The following USP20 variants were observed in gnomAD, a reference collection of about 807,000 sequenced individuals.
USP20 encodes the protein ubiquitin specific peptidase 20.
A neutral mutation model predicts 124.2 loss-of-function variants in USP20; 80 were observed. That is an observed-to-expected ratio of 0.64 (90% CI 0.54 to 0.78). The LOEUF is 0.78. Among genes scored for constraint, USP20 ranks in the 30% least tolerant of loss-of-function variants. The pLI, the probability that USP20 is intolerant of heterozygous loss-of-function variation, is 0.00. For missense variants in USP20, 1,043 were observed against 1,244.4 expected (o/e 0.84, Z 2.44); for synonymous variants, 481 against 512.3 (o/e 0.94, Z 0.83).
rs776703803 is a variant in USP20 at position 129,874,864 on chromosome 9, A to G, written c.1957A>G (p.Asn653Asp). Residue 653 changes from asparagine to aspartate, a missense_variant, in exon 19 of 26, where the codon AAT (asparagine) becomes GAT (aspartate). Transcript: ENST00000372429. The stretch of plus-strand genomic sequence containing the variant: ...CATCGCCTACTGCCAGAACGTGATC[A>G]ATGGGCAGTGGTACGAGTTTGATGA... ...HYIAYCQNVI[N>D]GQWYEFDDQY... 1.2e-6 allele frequency: 2 copies of G among 1,614,126 alleles called. No homozygotes were observed. The highest frequency in any genetic ancestry group is 1.7e-6 in the Non-Finnish European group (2 of 1,180,032).
Position 129,863,192 on chromosome 9 carries a change from G to A in USP20, c.504G>A (p.Pro168=), listed in dbSNP as rs1055238935. 26 of 1,529,532 alleles carry A rather than the reference G, an allele frequency of 1.7e-5. No homozygotes were observed. In the Admixed American group the frequency reaches 2.2e-4, roughly 13 times the overall value. 94.7% of individuals were successfully genotyped at this position (1,529,532 alleles called of 1,614,324 possible). ...AALQALSNCP[P]LTQFFLECGG... Reference sequence around the variant, plus strand: ...CTCTCTCCCCTGCACCCAGCCCGCCGCTGACTCAGTTCTTCTTGGAGTGTG... The same window carrying A: ...CTCTCTCCCCTGCACCCAGCCCGCCACTGACTCAGTTCTTCTTGGAGTGTG... The change falls in exon 9 of 26, where the codon CCG becomes CCA. Residue 168 remains proline (P), a synonymous_variant. Coordinates refer to ENST00000372429, the MANE Select transcript of USP20 (RefSeq NM_001110303.4).
chr9:129,857,519 A>G (rs1326105721), intron 4 of USP20, among the ~76,000 whole-genome samples: 2 of 152,154 alleles, frequency 1.3e-5, no homozygotes, highest in Non-Finnish European at 2.9e-5. Flanking sequence ...TTGGGATAGG[A>G]GAGTGCGAGG....
At chr9:129,836,823 C>T (rs1260749728) in intron 1 of USP20, among the ~76,000 whole-genome samples, 4 of 152,148 alleles carry the variant, frequency 2.6e-5, no homozygotes, top group African/African-American at 4.8e-5. Flanking sequence ...TCACTGGATA[C>T]GGAGTCCCTG....
chr9:129,841,914 A>T (rs752991651), intron 1 of USP20, among the ~76,000 whole-genome samples: 24 of 152,132 alleles, frequency 1.6e-4, no homozygotes, highest in Non-Finnish European at 3.1e-4. Flanking sequence ...GAGTGGTCTC[A>T]TGGAGGGTGC....
chr9:129,864,958 T>A (rs1045699839), intron 9 of USP20, among the ~76,000 whole-genome samples: 29 of 152,206 alleles, frequency 1.9e-4, no homozygotes, highest in African/African-American at 6.8e-4. Flanking sequence ...TTCTGAAATT[T>A]TAGATTTGTC....
At chr9:129,851,717 T>G (rs985702784) in intron 2 of USP20, among the ~76,000 whole-genome samples, 5 of 152,180 alleles carry the variant, frequency 3.3e-5, no homozygotes, top group Non-Finnish European at 7.3e-5. Flanking sequence ...GTTTGCTACT[T>G]GTTATCAGTG....
intron 2 of USP20, among the ~76,000 whole-genome samples, chr9:129,851,258 C>CTTTTTT (rs35791819): frequency 0.031 from 3,886 of 125,914 alleles, 336 homozygotes; most frequent in African/African-American, 0.11. Flanking sequence ...ATAACACATA[C>CTTTTTT]TTTTTTTTTT....
At chr9:129,853,930 A>C (rs10819567) in intron 3 of USP20, among the ~76,000 whole-genome samples, 2 of 151,904 alleles carry the variant, frequency 1.3e-5, no homozygotes, top group Admixed American at 6.6e-5. Context: ...CAGAGATCAC[A>C]ACTTCAGCTC....
chr9:129,855,186 C>G (rs915052240), intron 3 of USP20, among the ~76,000 whole-genome samples: 6 of 152,170 alleles, frequency 3.9e-5, no homozygotes, highest in Non-Finnish European at 8.8e-5. Flanking sequence ...AATCCCAGCA[C>G]TTTGGGAGGC....
intron 1 of USP20, among the ~76,000 whole-genome samples, chr9:129,843,552 T>G (rs1237211754): frequency 1.3e-5 from 2 of 151,970 alleles, no homozygotes; most frequent in African/African-American, 4.8e-5. Context: ...CTGACCAATG[T>G]GGTGAAACCT....
chr9:129,870,166 C>T, intron 14 of USP20: 2 of 563,084 alleles, frequency 3.6e-6, no homozygotes, highest in Non-Finnish European at 3.2e-6. Context: ...AGGGCTGCCT[C>T]TCCTGCCTGA....
chr9:129,844,905 G>A (rs1355997048), intron 1 of USP20, among the ~76,000 whole-genome samples: 4 of 151,848 alleles, frequency 2.6e-5, no homozygotes, highest in Non-Finnish European at 5.9e-5. Flanking sequence ...TGAGAGGGCC[G>A]GTCATGGTGG....
intron 6 of USP20, 61 bp from the exon 7 acceptor site, chr9:129,860,876 C>G: frequency 1.9e-6 from 3 of 1,557,602 alleles, no homozygotes; most frequent in South Asian, 2.2e-5. Flanking sequence ...TGGGAGACAC[C>G]TGGGCCTCTG....
chr9:129,846,243 A>ATTTT (rs1270846866), intron 1 of USP20, among the ~76,000 whole-genome samples: 62 of 35,996 alleles, frequency 1.7e-3, no homozygotes, highest in East Asian at 0.01. Context: ...ATATATATAT[A>ATTTT]TATATTTTTT....
intron 5 of USP20, 39 bp from the exon 6 acceptor site, chr9:129,858,428 T>C (rs2134601): frequency 0.91 from 1,464,862 of 1,613,422 alleles, 666,203 homozygotes; most frequent in East Asian, 1. Flanking sequence ...CTTGTTAGGC[T>C]AGAGTGCCCT....
At chr9:129,856,239 G>T (rs748539712) in intron 3 of USP20, 68 bp from the exon 4 acceptor site, 1 of 1,511,512 alleles carries the variant, frequency 6.6e-7, no homozygotes, top group Non-Finnish European at 9.2e-7. Context: ...GGCAGGAGCA[G>T]TCTCAGTGCT....
At chr9:129,880,381 C>T in intron 25 of USP20, 86 bp from the exon 26 acceptor site, 1 of 1,410,776 alleles carries the variant, frequency 7.1e-7, no homozygotes, top group South Asian at 1.4e-5. Flanking sequence ...ATCCAAAGAG[C>T]AGGTCCCTGA....
intron 10 of USP20, 103 bp from the exon 11 acceptor site, chr9:129,867,902 G>C (rs2033897601): frequency 7.1e-7 from 1 of 1,413,986 alleles, no homozygotes; most frequent in Non-Finnish European, 9.4e-7. Flanking sequence ...GCGCCCATGA[G>C]GTCCTCCTAG....
intron 1 of USP20, among the ~76,000 whole-genome samples, chr9:129,842,493 T>C (rs1464488996): frequency 6.6e-6 from 1 of 152,120 alleles, no homozygotes; most frequent in African/African-American, 2.4e-5. Context: ...TCAGTGTTGG[T>C]TGGGTACCAA....
Sources: gnomAD v4.1 joint callset for allele counts (sites outside exome capture counted in the v4.1 genomes callset) on GRCh38, gnomAD v4.1.1 for gene constraint, MANE v1.5 for transcripts, NCBI Gene and HGNC (gene_info 2026-07-23, HGNC 2026-07-21) for gene names.